ERC1: variants seen among roughly 807,000 people sequenced by gnomAD.
The protein encoded by ERC1 is ELKS/RAB6-interacting/CAST family member 1.
A neutral mutation model predicts 132.0 loss-of-function variants in ERC1; 56 were observed. The ratio of observed to expected loss-of-function variants is 0.42; its 90% confidence interval spans 0.34 to 0.53. The LOEUF (loss-of-function observed/expected upper bound fraction) is 0.53. Ranked by LOEUF, ERC1 falls within the 20% of genes least tolerant of loss-of-function variation. The probability of loss-of-function intolerance (pLI) is 0.03; values close to 1 mark genes in which losing one functional copy is unlikely to be tolerated. For missense variants in ERC1, 1,202 were observed against 1,349.9 expected, an observed-to-expected ratio of 0.89 and a Z score of 1.72; for synonymous variants, 478 against 476.1, an observed-to-expected ratio of 1.00 and a Z score of -0.05.
chr12:1,092,685 G>A (rs1482060579), intron 3 of ERC1, among the ~76,000 whole-genome samples: 1 of 152,208 alleles, frequency 6.6e-6, no homozygotes, highest in East Asian at 1.9e-4. Context: ...TCTAGGGCGG[G>A]TGCAATGGCT....
rs996344042 is a variant in ERC1 at position 1,494,985 on chromosome 12, G to A, written c.*4755G>A. On this transcript the variant is annotated 3_prime_UTR_variant, in exon 19 of 19. Coordinates refer to ENST00000360905, the MANE Select transcript of ERC1 (RefSeq NM_178040.4). ...CCTGCCTGGGCAAGAGACACCTGCC[G>A]AGCAAAAGGAACGAGAATCTGGGGC... 8 of 230,408 alleles carry A rather than the reference G, an allele frequency of 3.5e-5. No homozygotes were observed. The highest frequency in any genetic ancestry group is 6.9e-5 in the Non-Finnish European group (8 of 116,414). 14.3% of individuals were successfully genotyped at this position (230,408 alleles called of 1,614,324 possible).
At chr12:1,204,480 TG>T (rs1190605594) in intron 12 of ERC1, 2 of 1,581,976 alleles carry the variant, frequency 1.3e-6, no homozygotes, top group South Asian at 2.3e-5. Context: ...ATTTTCTTCC[TG>T]GATTTCCTGT....
At chr12:1,004,663 C>G (rs948252536) in intron 1 of ERC1, among the ~76,000 whole-genome samples, 1 of 151,646 alleles carries the variant, frequency 6.6e-6, no homozygotes, top group East Asian at 1.9e-4. Flanking sequence ...CCTTGGCCCC[C>G]CAAAGTGCTG....
chr12:1,373,932 AAAT>A (rs1341172463), intron 16 of ERC1, among the ~76,000 whole-genome samples: 1 of 152,260 alleles, frequency 6.6e-6, no homozygotes. Flanking sequence ...ATGAAGAGAA[AAAT>A]AATAACAGTT....
At chr12:1,036,020 C>A (rs903408195) in intron 2 of ERC1, among the ~76,000 whole-genome samples, 1 of 151,676 alleles carries the variant, frequency 6.6e-6, no homozygotes, top group African/African-American at 2.4e-5. Context: ...TGAAATAATT[C>A]TGTATGTTAA....
intron 15 of ERC1, among the ~76,000 whole-genome samples, chr12:1,294,775 G>A (rs1354848146): frequency 6.6e-6 from 1 of 152,020 alleles, no homozygotes; most frequent in Non-Finnish European, 1.5e-5. Flanking sequence ...TACCAGTATG[G>A]CAGGTTTTTT....
intron 18 of ERC1, among the ~76,000 whole-genome samples, chr12:1,463,994 A>G (rs1400541649): frequency 1.3e-5 from 2 of 152,150 alleles, no homozygotes; most frequent in African/African-American, 4.8e-5. Context: ...TACAATGCAG[A>G]ATGGCTGCCC....
chr12:1,346,935 C>T (rs1230881672), intron 15 of ERC1, among the ~76,000 whole-genome samples: 1 of 118,268 alleles, frequency 8.5e-6, no homozygotes, highest in Admixed American at 8.1e-5. Context: ...GGCGACAGAG[C>T]GAGACTCCGT....
At chr12:1,320,401 T>C (rs1020010771) in intron 15 of ERC1, among the ~76,000 whole-genome samples, 7 of 152,228 alleles carry the variant, frequency 4.6e-5, no homozygotes, top group Non-Finnish European at 1.0e-4. Flanking sequence ...TTTTGCTGAC[T>C]TTTATATTTG....
At chr12:1,277,869 T>G (rs969082044) in intron 14 of ERC1, among the ~76,000 whole-genome samples, 1 of 152,250 alleles carries the variant, frequency 6.6e-6, no homozygotes, top group Non-Finnish European at 1.5e-5. Context: ...ATGTTTCAGG[T>G]ACCTAAGAGA....
At chr12:997,001 C>G (rs1419153027) in intron 1 of ERC1, among the ~76,000 whole-genome samples, 2 of 152,132 alleles carry the variant, frequency 1.3e-5, no homozygotes. Context: ...TTACTGCAAC[C>G]TTGAATTCCT....
At chr12:1,350,169 G>A (rs916070920) in intron 15 of ERC1, among the ~76,000 whole-genome samples, 2 of 152,136 alleles carry the variant, frequency 1.3e-5, no homozygotes, top group Admixed American at 6.5e-5. Context: ...GATGGGATGC[G>A]TTCAGTTTAT....
chr12:1,382,589 G>A (rs1272330961), intron 16 of ERC1, among the ~76,000 whole-genome samples: 2 of 152,050 alleles, frequency 1.3e-5, no homozygotes, highest in African/African-American at 2.4e-5. Flanking sequence ...TTGCCTCTTC[G>A]GGCTTTATCT....
intron 3 of ERC1, among the ~76,000 whole-genome samples, chr12:1,101,168 G>T (rs1223884057): frequency 6.6e-6 from 1 of 152,156 alleles, no homozygotes; most frequent in Non-Finnish European, 1.5e-5. Flanking sequence ...AAGCTTCCAT[G>T]ATAAAAGGGA....
chr12:1,136,314 G>T (rs139304037), intron 7 of ERC1, among the ~76,000 whole-genome samples: 1 of 152,196 alleles, frequency 6.6e-6, no homozygotes, highest in Non-Finnish European at 1.5e-5. Flanking sequence ...TCTGCTCAAA[G>T]GTTCTTCCAT....
intron 7 of ERC1, among the ~76,000 whole-genome samples, chr12:1,136,315 G>C (rs1156249674): frequency 1.3e-5 from 2 of 152,068 alleles, no homozygotes; most frequent in Non-Finnish European, 2.9e-5. Flanking sequence ...CTGCTCAAAG[G>C]TTCTTCCATT....
chr12:1,140,684 A>G (rs2154248294), intron 7 of ERC1, among the ~76,000 whole-genome samples: 1 of 152,204 alleles, frequency 6.6e-6, no homozygotes, highest in South Asian at 2.1e-4. Context: ...AGACCATAGA[A>G]CCATACTTGA....
chr12:1,350,668 T>C (rs947403424), intron 15 of ERC1, among the ~76,000 whole-genome samples: 2 of 152,216 alleles, frequency 1.3e-5, no homozygotes, highest in African/African-American at 4.8e-5. Context: ...CTAGAGCTAA[T>C]TAAGTTCATC....
chr12:1,038,014 C>T (rs971774812), intron 2 of ERC1, among the ~76,000 whole-genome samples: 1 of 150,314 alleles, frequency 6.7e-6, no homozygotes, highest in African/African-American at 2.4e-5. Context: ...CACTGCACTC[C>T]AGCCTGGGCG....
Sources: allele counts gnomAD v4.1 joint callset (sites outside exome capture counted in the v4.1 genomes callset), GRCh38; gene constraint gnomAD v4.1.1; transcripts MANE v1.5; gene names NCBI Gene and HGNC (gene_info 2026-07-23, HGNC 2026-07-21).